USP43: variants seen among roughly 807,000 people sequenced by gnomAD.
USP43 encodes ubiquitin specific peptidase 43, also known as ubiquitin carboxyl-terminal hydrolase 43.
USP43 carries 33 observed loss-of-function variants against 90.7 expected under a neutral mutation model. The observed-to-expected ratio is 0.36, with a 90% CI of 0.28 to 0.49. The LOEUF (loss-of-function observed/expected upper bound fraction) is 0.49, where lower values mean the gene tolerates loss of function less well. Among genes scored for constraint, USP43 ranks in the 20% least tolerant of loss-of-function variants. The probability of loss-of-function intolerance (pLI) is 0.98; values close to 1 mark genes in which losing one functional copy is unlikely to be tolerated. For missense variants in USP43, 1,274 were observed against 1,476.4 expected (o/e 0.86, Z 2.25); for synonymous variants, 598 against 615.8 (o/e 0.97, Z 0.43).
rs1325743681 is a variant in USP43, at chr17:9,645,685, C to CCCG, written c.64_66dup (p.Arg22dup). On this transcript the variant is annotated inframe_insertion, in exon 1 of 15. Coordinates refer to ENST00000285199, the MANE Select transcript of USP43 (RefSeq NM_153210.5). The surrounding 1 kb of genome is among the most constrained non-coding windows in gnomAD (Gnocchi z 6.8). Reference sequence around the variant, plus strand: ...GGAGGGGGACCGCTCGCGCCCCGGCCCCGCCGCCGCCGCTCCCTGCGCCGC... The same window carrying CCCG: ...GGAGGGGGACCGCTCGCGCCCCGGCCCCGCCGCCGCCGCCGCTCCCTGCGCCGC... The CCCG allele has an allele frequency of 4.7e-6, 6 of 1,287,666 alleles. No individual in the cohort carries two copies. Among genetic ancestry groups the CCCG allele is most frequent in the Admixed American group, 4.1e-5 (1 of 24,156 alleles). The allele number at this position is 1,287,666 out of a possible 1,614,324, so 79.8% of individuals were successfully genotyped here. A position where few individuals can be genotyped will look rare whatever the true frequency, so the allele number is the denominator to read the frequency against.
At chr17:9,721,452 TC>T (rs1351423320) in intron 14 of USP43, among the ~76,000 whole-genome samples, 1 of 152,196 alleles carries the variant, frequency 6.6e-6, no homozygotes, top group African/African-American at 2.4e-5. Context: ...CAAAAATTAT[TC>T]CCTTTATGGA....
intron 9 of USP43, among the ~76,000 whole-genome samples, chr17:9,699,786 G>A (rs1355096597): frequency 1.3e-5 from 2 of 152,158 alleles, no homozygotes; most frequent in African/African-American, 4.8e-5. Flanking sequence ...TGCAGTTGGG[G>A]GAAAGGTAGC....
intron 14 of USP43, among the ~76,000 whole-genome samples, chr17:9,718,310 C>T (rs4791356): frequency 0.32 from 48,977 of 151,996 alleles, 9,504 homozygotes; most frequent in African/African-American, 0.55. Flanking sequence ...AGATTTACTA[C>T]ACCAGGCATG....
chr17:9,708,601 C>T (rs987134009), intron 12 of USP43, among the ~76,000 whole-genome samples: 4 of 152,222 alleles, frequency 2.6e-5, no homozygotes, highest in East Asian at 1.9e-4. Context: ...GCCCACGGGC[C>T]GGATCCAATC....
chr17:9,692,456 G>T (rs1009970955), intron 8 of USP43, among the ~76,000 whole-genome samples: 1 of 152,206 alleles, frequency 6.6e-6, no homozygotes, highest in African/African-American at 2.4e-5. Flanking sequence ...TGATGTTGCT[G>T]ATCTTTTCAT....
rs1447540770 is a variant in USP43, at chr17:9,666,700, A to C, written c.689A>C (p.Gln230Pro). The change falls in exon 3 of 15, where the codon CAG becomes CCG. Residue 230 changes from glutamine (Q) to proline (P), a missense_variant. Around this residue, in one of 6 missense-constraint regions of USP43, gnomAD observed 259 missense variants for 373.7 expected, o/e 0.69. Coordinates refer to ENST00000285199, the MANE Select transcript of USP43 (RefSeq NM_153210.5). ...TSENCLSPSA[Q>P]LPLGQSFVQS... ...GAGAACTGCCTGTCACCATCAGCTCAGCTTCCTCTAGGTCAAAGCTTTGTG... is the reference window on the plus strand; with the variant it reads ...GAGAACTGCCTGTCACCATCAGCTCCGCTTCCTCTAGGTCAAAGCTTTGTG... 4.5e-5 allele frequency: 73 copies of C among 1,613,398 alleles called. No homozygotes were observed. Among genetic ancestry groups the C allele is most frequent in the Non-Finnish European group, 6.2e-5 (73 of 1,179,716 alleles).
chr17:9,700,723 C>T (rs971946912), intron 10 of USP43, among the ~76,000 whole-genome samples: 1 of 152,130 alleles, frequency 6.6e-6, no homozygotes, highest in Admixed American at 6.5e-5. Context: ...GGGATTTGAA[C>T]CCAGACCCTC....
rs994875456 is a variant in USP43, at chr17:9,674,314, G to A, written c.741-577G>A. 2.0e-5 allele frequency among the ~76,000 whole-genome samples: 3 copies of A among 152,092 alleles called. No individual in the cohort carries two copies. Among genetic ancestry groups the A allele is most frequent in the Admixed American group, 6.5e-5 (1 of 15,268 alleles). ...AACATAAAGTTAAGCATTCTAAAGC[G>A]TACAAATCAGTGACATGTACATTCA... On this transcript the variant is annotated intron_variant, in intron 3 of 14. Coordinates refer to ENST00000285199, the MANE Select transcript of USP43 (RefSeq NM_153210.5). This position sits in a 1 kb window ranked among gnomAD's most constrained non-coding sequence, Gnocchi z 4.4.
At chr17:9,649,760 T>C (rs1176555832) in intron 1 of USP43, among the ~76,000 whole-genome samples, 1 of 151,222 alleles carries the variant, frequency 6.6e-6, no homozygotes, top group Admixed American at 6.6e-5. Context: ...ATTGTAAATA[T>C]ACTGATACGT....
chr17:9,725,205 C>T (rs1414029338), intron 14 of USP43, among the ~76,000 whole-genome samples: 2 of 151,584 alleles, frequency 1.3e-5, no homozygotes, highest in African/African-American at 4.9e-5. Context: ...CCAAAAAGCA[C>T]ATTATGAATG....
At chr17:9,717,466 C>T (rs571297387) in intron 14 of USP43, among the ~76,000 whole-genome samples, 1 of 152,018 alleles carries the variant, frequency 6.6e-6, no homozygotes, top group African/African-American at 2.4e-5. Flanking sequence ...TACAGCAGGC[C>T]TTTAAAAATG....
intron 8 of USP43, among the ~76,000 whole-genome samples, chr17:9,692,029 G>A (rs1008683256): frequency 6.6e-6 from 1 of 150,662 alleles, no homozygotes; most frequent in Non-Finnish European, 1.5e-5. Flanking sequence ...GCGACAGAGC[G>A]AGACTCCATC....
intron 14 of USP43, among the ~76,000 whole-genome samples, chr17:9,724,958 C>T (rs1427461788): frequency 6.6e-6 from 1 of 152,060 alleles, no homozygotes; most frequent in East Asian, 1.9e-4. Context: ...AAGCATGGCA[C>T]CAAGAGGTCC....
chr17:9,645,508 C>T, upstream of USP43: 1 of 960,872 alleles, frequency 1.0e-6, no homozygotes, highest in South Asian at 5.2e-5. The surrounding 1 kb of genome is among the most constrained non-coding windows in gnomAD (Gnocchi z 6.8). Context: ...GCCTCCGCCC[C>T]GTCCCCGCAC....
At chr17:9,703,177 ATT>A (rs759991039) in intron 12 of USP43, among the ~76,000 whole-genome samples, 7 of 143,850 alleles carry the variant, frequency 4.9e-5, no homozygotes, top group Middle Eastern at 3.7e-3. Flanking sequence ...TGTTACTCAG[ATT>A]TTTTTTTTTT....
At position 9,652,234 on chromosome 17, in the gene USP43, A is replaced by AAAAAAG. The variant is rs61023073; in HGVS notation, c.505-4169_505-4168insAAAAAG. 7.6e-4 allele frequency among the ~76,000 whole-genome samples: 114 copies of AAAAAAG among 149,688 alleles called. 2 individuals are homozygous for AAAAAAG. The highest frequency in any genetic ancestry group is 2.7e-3 in the African/African-American group (106 of 39,782). ...GCGCAAAAAAAAAAAAAAAAAGAAA[A>AAAAAAG]GAAAAGAAAGGAAAAAAAAGATGTG... On this transcript the variant is annotated intron_variant, in intron 1 of 14. Coordinates refer to ENST00000285199, the MANE Select transcript of USP43 (RefSeq NM_153210.5).
chr17:9,697,442 G>T (rs1161782364), intron 9 of USP43, among the ~76,000 whole-genome samples: 1 of 151,850 alleles, frequency 6.6e-6, no homozygotes, highest in Non-Finnish European at 1.5e-5. Context: ...CAAATAGTGA[G>T]CATAGTACTC....
chr17:9,665,815 G>T (rs1408112613), intron 2 of USP43, among the ~76,000 whole-genome samples: 4 of 152,206 alleles, frequency 2.6e-5, no homozygotes, highest in Non-Finnish European at 5.9e-5. Context: ...AGACAGAGCA[G>T]AGAGAGAGTT....
intron 13 of USP43, among the ~76,000 whole-genome samples, chr17:9,710,753 C>G: frequency 6.6e-6 from 1 of 152,044 alleles, no homozygotes; most frequent in East Asian, 1.9e-4. Context: ...TCTTGATCCA[C>G]CCATCTCAGC....
Sources: allele counts gnomAD v4.1 joint callset (sites outside exome capture counted in the v4.1 genomes callset), GRCh38; gene constraint gnomAD v4.1.1; regional missense constraint gnomAD v4.1.1; non-coding constraint Gnocchi (gnomAD v3.1); transcripts MANE v1.5; gene names NCBI Gene and HGNC (gene_info 2026-07-23, HGNC 2026-07-21).